Variants in CADPS observed in about 807,000 individuals in gnomAD.
CADPS encodes calcium-dependent secretion activator 1.
Under a neutral mutation model 167.3 loss-of-function variants are expected in CADPS, and 57 were observed. That is an observed-to-expected ratio of 0.34 (90% CI 0.28 to 0.42). The LOEUF (loss-of-function observed/expected upper bound fraction) is 0.42, where lower values mean the gene tolerates loss of function less well. CADPS is among the 20% of genes least tolerant of loss of function. The pLI is 1.00. For synonymous variants in CADPS, 676 were observed against 635.3 expected (o/e 1.06, Z -0.96); for missense variants, 1,414 against 1,738.1 (o/e 0.81, Z 3.32).
chr3:62,552,812 G>T (rs953610287), intron 10 of CADPS, among the ~76,000 whole-genome samples: 2 of 152,108 alleles, frequency 1.3e-5, no homozygotes, highest in African/African-American at 4.8e-5. Flanking sequence ...CACCAATAAA[G>T]CTTTACTAAA....
Position 62,549,924 on chromosome 3 carries a change from C to T in CADPS, c.1945G>A (p.Asp649Asn), listed in dbSNP as rs757255213. ...TTACAAAATTGAGAGATAGGGGCATCCAGCTGAGGTACATTTCCTCCCTTG... is the reference window on the plus strand; with the variant it reads ...TTACAAAATTGAGAGATAGGGGCATTCAGCTGAGGTACATTTCCTCCCTTG... ...NAKGGNVPQLDAPISQFYADR... is the reference protein window; with the variant it reads ...NAKGGNVPQLNAPISQFYADR... Residue 649 changes from aspartate (D) to asparagine (N), a missense_variant, in exon 11 of 30, where the codon GAT (aspartate) becomes AAT (asparagine). Physicochemically the swap from Asp to Asn is conservative, Grantham distance 23. Coordinates refer to ENST00000383710, the MANE Select transcript of CADPS (RefSeq NM_003716.4). 11 of 1,614,006 alleles carry T rather than the reference C, an allele frequency of 6.8e-6. No homozygotes were observed. The highest frequency in any genetic ancestry group is 4.2e-6 in the Non-Finnish European group (5 of 1,179,904).
chr3:62,513,688 T>A (rs1380072425), intron 16 of CADPS: 2 of 1,588,822 alleles, frequency 1.3e-6, no homozygotes, highest in Admixed American at 1.7e-5. Flanking sequence ...AGGATGCTCA[T>A]ACATTTCTCT....
At chr3:62,807,892 GAGACAGA>G (rs2094183679) in intron 1 of CADPS, among the ~76,000 whole-genome samples, 1 of 150,598 alleles carries the variant, frequency 6.6e-6, no homozygotes, top group Non-Finnish European at 1.5e-5. Context: ...TCTTTTTTTT[GAGACAGA>G]GTCTTGCACT....
intron 7 of CADPS, among the ~76,000 whole-genome samples, chr3:62,585,700 C>G (rs1159840032): frequency 6.6e-6 from 1 of 152,158 alleles, no homozygotes; most frequent in Non-Finnish European, 1.5e-5. Flanking sequence ...CCTTTTAGTC[C>G]ACTCTTTTTC....
chr3:62,576,662 G>A (rs2082323635), intron 8 of CADPS, among the ~76,000 whole-genome samples: 1 of 150,458 alleles, frequency 6.6e-6, no homozygotes, highest in African/African-American at 2.4e-5. Context: ...ATGGTGGTAT[G>A]CATCTGTAGT....
rs201311125 is a variant in CADPS at position 62,800,297 on chromosome 3, C to CCAT, written c.442-34316_442-34314dup. On this transcript the variant is annotated intron_variant, in intron 1 of 29. Coordinates refer to ENST00000383710, the MANE Select transcript of CADPS (RefSeq NM_003716.4). ...AAAATGATAGTCATCATCATTATCACCATCATCATCATCATCATCATTCTT... is the reference window on the plus strand; with the variant it reads ...AAAATGATAGTCATCATCATTATCACCATCATCATCATCATCATCATCATTCTT... 7.2e-4 allele frequency among the ~76,000 whole-genome samples: 110 copies of CCAT among 151,960 alleles called. 1 individual carries two copies. In the South Asian group the frequency reaches 0.013, roughly 18 times the overall value.
intron 1 of CADPS, among the ~76,000 whole-genome samples, chr3:62,870,461 C>T (rs995249414): frequency 6.6e-6 from 1 of 151,974 alleles, no homozygotes; most frequent in Non-Finnish European, 1.5e-5. Context: ...TTAGTCTTGC[C>T]CAAATAAGCC....
chr3:62,843,565 C>T (rs550789849), intron 1 of CADPS, among the ~76,000 whole-genome samples: 3 of 151,734 alleles, frequency 2.0e-5, no homozygotes, highest in African/African-American at 7.2e-5. Context: ...AGCAGCATAA[C>T]GTTGGACTCA....
At chr3:62,536,739 A>G (rs2074763747) in intron 11 of CADPS, among the ~76,000 whole-genome samples, 158 bp from the exon 12 acceptor site, 1 of 152,128 alleles carries the variant, frequency 6.6e-6, no homozygotes, top group Non-Finnish European at 1.5e-5. Context: ...TTTACCTCCC[A>G]TTGTCAACTT....
intron 28 of CADPS, among the ~76,000 whole-genome samples, chr3:62,435,508 C>T (rs1265662571): frequency 6.6e-6 from 1 of 152,130 alleles, no homozygotes; most frequent in African/African-American, 2.4e-5. Flanking sequence ...TTTAAAATGA[C>T]AAATGTTTTA....
intron 10 of CADPS, among the ~76,000 whole-genome samples, chr3:62,556,112 A>G (rs1562097149): frequency 6.6e-6 from 1 of 152,200 alleles, no homozygotes; most frequent in African/African-American, 2.4e-5. Context: ...ATGGCTTAAG[A>G]AGAACACAAA....
At chr3:62,832,769 G>A (rs908840375) in intron 1 of CADPS, among the ~76,000 whole-genome samples, 6 of 152,220 alleles carry the variant, frequency 3.9e-5, no homozygotes, top group African/African-American at 7.2e-5. Flanking sequence ...CCGCTGAGGC[G>A]TTGCCTCACG....
chr3:62,559,298 C>CA (rs2078729704), intron 9 of CADPS, among the ~76,000 whole-genome samples: 1 of 152,120 alleles, frequency 6.6e-6, no homozygotes, highest in African/African-American at 2.4e-5. Flanking sequence ...AATGGGCATT[C>CA]ACTAGTTGAA....
chr3:62,737,769 A>G (rs1306876936), intron 3 of CADPS, among the ~76,000 whole-genome samples: 1 of 152,128 alleles, frequency 6.6e-6, no homozygotes, highest in Non-Finnish European at 1.5e-5. Context: ...CATCAAAAGC[A>G]CTTCCTTTTC....
In CADPS at chr3:62,865,341, T is replaced by A. The variant is rs183963920; in HGVS notation, c.441+9248A>T. Among the ~76,000 whole-genome samples, 4 of 150,084 alleles carry A rather than the reference T, an allele frequency of 2.7e-5. No individual in the cohort carries two copies. In the East Asian group the frequency reaches 7.9e-4, roughly 30 times the overall value. The stretch of plus-strand genomic sequence containing the variant: ...TCTTTTTAAAAGCATCACCACTTCC[T>A]TAGGGTTTGTAACTTAGCATGTGCT... On this transcript the variant is annotated intron_variant, in intron 1 of 29. Transcript: ENST00000383710.
chr3:62,789,397 A>G (rs1259322783), intron 1 of CADPS, among the ~76,000 whole-genome samples: 1 of 152,238 alleles, frequency 6.6e-6, no homozygotes, highest in Non-Finnish European at 1.5e-5. Flanking sequence ...TAGTCACCCC[A>G]AAAGGGGAGT....
intron 1 of CADPS, among the ~76,000 whole-genome samples, chr3:62,769,223 CATCT>C (rs1364447249): frequency 7.2e-6 from 1 of 139,136 alleles, no homozygotes; most frequent in East Asian, 2.0e-4. Context: ...GATTAATTCT[CATCT>C]TTTTTTTTTT....
intron 1 of CADPS, among the ~76,000 whole-genome samples, chr3:62,859,413 A>G (rs1236182776): frequency 6.6e-6 from 1 of 152,180 alleles, no homozygotes; most frequent in Non-Finnish European, 1.5e-5. Flanking sequence ...CTCAAATACT[A>G]ATTGAATATT....
chr3:62,867,654 T>C (rs77129758), intron 1 of CADPS, among the ~76,000 whole-genome samples: 3,818 of 152,172 alleles, frequency 0.025, 82 homozygotes, highest in South Asian at 0.077. Flanking sequence ...ATGATGATAA[T>C]AGCAATAATG....
Sources: allele counts gnomAD v4.1 joint callset (sites outside exome capture counted in the v4.1 genomes callset), GRCh38; gene constraint gnomAD v4.1.1; transcripts MANE v1.5; gene names NCBI Gene and HGNC (gene_info 2026-07-23, HGNC 2026-07-21).